The following KCNAB1 variants were observed in gnomAD, a reference collection of about 807,000 sequenced individuals.
The protein encoded by KCNAB1 is voltage-gated potassium channel subunit beta-1.
KCNAB1 carries 35 observed loss-of-function variants against 64.6 expected under a neutral mutation model. That is an observed-to-expected ratio of 0.54 (90% CI 0.41 to 0.72). KCNAB1 has a LOEUF of 0.72. Ranked by LOEUF, KCNAB1 falls within the 30% of genes least tolerant of loss-of-function variation. KCNAB1 has a pLI of 0.00. For missense variants in KCNAB1, 401 were observed against 512.9 expected (o/e 0.78, Z 2.11); for synonymous variants, 177 against 183.8 (o/e 0.96, Z 0.30).
intron 1 of KCNAB1, among the ~76,000 whole-genome samples, chr3:156,163,318 GT>G (rs1031661235): frequency 1.4e-4 from 22 of 152,090 alleles, no homozygotes; most frequent in Non-Finnish European, 2.9e-4. Flanking sequence ...CATCCTTAAG[GT>G]TGTCTTTGTT....
chr3:156,454,280 G>A (rs1712223781), intron 3 of KCNAB1, among the ~76,000 whole-genome samples: 1 of 152,220 alleles, frequency 6.6e-6, no homozygotes, highest in African/African-American at 2.4e-5. Context: ...GGGTCATGAT[G>A]CAGCCTCAAC....
chr3:156,386,400 T>C (rs1436215540), intron 1 of KCNAB1, among the ~76,000 whole-genome samples: 1 of 152,176 alleles, frequency 6.6e-6, no homozygotes, highest in African/African-American at 2.4e-5. Context: ...CCTTTTCCAG[T>C]GGTGTGCCCT....
intron 1 of KCNAB1, among the ~76,000 whole-genome samples, chr3:156,251,190 A>T (rs965998484): frequency 6.6e-6 from 1 of 152,260 alleles, no homozygotes; most frequent in Non-Finnish European, 1.5e-5. Flanking sequence ...CAAATATACA[A>T]TTAAGTAGGC....
intron 1 of KCNAB1, among the ~76,000 whole-genome samples, chr3:156,327,582 A>G (rs1176904691): frequency 6.6e-6 from 1 of 152,126 alleles, no homozygotes; most frequent in Admixed American, 6.6e-5. Flanking sequence ...GGGCTTACAT[A>G]AGTAAGTAAC....
intron 1 of KCNAB1, among the ~76,000 whole-genome samples, chr3:156,184,149 A>G (rs1285461683): frequency 2.0e-5 from 3 of 152,216 alleles, no homozygotes; most frequent in Non-Finnish European, 4.4e-5. Flanking sequence ...TTTGTCCCTC[A>G]TAGGATCCAA....
intron 11 of KCNAB1, among the ~76,000 whole-genome samples, chr3:156,517,271 G>A (rs1037829159): frequency 6.6e-6 from 1 of 152,204 alleles, no homozygotes; most frequent in African/African-American, 2.4e-5. Flanking sequence ...TGGCCACTGT[G>A]AGCTTCCCTA....
chr3:156,242,101 G>A (rs887505789), intron 1 of KCNAB1, among the ~76,000 whole-genome samples: 7 of 152,092 alleles, frequency 4.6e-5, no homozygotes, highest in African/African-American at 1.2e-4. Flanking sequence ...AAACGTTATC[G>A]TGAAATCACT....
chr3:156,382,255 G>C (rs141757474), intron 1 of KCNAB1: 3 of 152,030 alleles, frequency 2.0e-5, no homozygotes, highest in Non-Finnish European at 2.9e-5. Flanking sequence ...AGGCTGAGGC[G>C]GGTGTATCAC....
chr3:156,295,872 C>T (rs1294532794), intron 1 of KCNAB1, among the ~76,000 whole-genome samples: 1 of 152,116 alleles, frequency 6.6e-6, no homozygotes. Flanking sequence ...TATTTCAAGT[C>T]CTCTCTTCTA....
chr3:156,249,026 G>GT (rs1448211841), intron 1 of KCNAB1, among the ~76,000 whole-genome samples: 23 of 90,674 alleles, frequency 2.5e-4, no homozygotes, highest in South Asian at 6.6e-4. Context: ...AAATCTGGTT[G>GT]TGTTTTTTTT....
At chr3:156,510,299 A>G (rs963555860) in intron 8 of KCNAB1, among the ~76,000 whole-genome samples, 11 of 152,228 alleles carry the variant, frequency 7.2e-5, no homozygotes, top group Admixed American at 1.3e-4. Flanking sequence ...TATTGAGACT[A>G]GAATTCATCA....
At chr3:156,434,767 A>T (rs774159002) in intron 2 of KCNAB1, among the ~76,000 whole-genome samples, 1 of 152,214 alleles carries the variant, frequency 6.6e-6, no homozygotes, top group Non-Finnish European at 1.5e-5. Flanking sequence ...CAGTAATGAG[A>T]GGTGATAACT....
intron 1 of KCNAB1, among the ~76,000 whole-genome samples, chr3:156,283,302 C>A (rs1308791065): frequency 6.6e-6 from 1 of 151,460 alleles, no homozygotes; most frequent in Admixed American, 6.6e-5. Context: ...CCCCCACTCT[C>A]TTCTGGCTTG....
chr3:156,238,205 G>A (rs1392899029), intron 1 of KCNAB1, among the ~76,000 whole-genome samples: 1 of 152,060 alleles, frequency 6.6e-6, no homozygotes, highest in Non-Finnish European at 1.5e-5. Flanking sequence ...GGCGGATCAC[G>A]AGGTCAGGAG....
chr3:156,228,249 G>A (rs1287553921), intron 1 of KCNAB1, among the ~76,000 whole-genome samples: 2 of 152,234 alleles, frequency 1.3e-5, no homozygotes, highest in Middle Eastern at 3.4e-3. Flanking sequence ...ATGAAGGGGA[G>A]AGGAGAAAAG....
chr3:156,205,304 C>T (rs554240357), intron 1 of KCNAB1, among the ~76,000 whole-genome samples: 13 of 151,804 alleles, frequency 8.6e-5, no homozygotes, highest in African/African-American at 1.9e-4. Flanking sequence ...TTTTGGTTTC[C>T]GTGTTTTAAT....
chr3:156,498,884 G>A (rs1716190295), intron 8 of KCNAB1, among the ~76,000 whole-genome samples: 1 of 152,174 alleles, frequency 6.6e-6, no homozygotes, highest in African/African-American at 2.4e-5. Flanking sequence ...ATTGTAACAG[G>A]GGATAAGCAT....
chr3:156,515,422 T>G (rs1717491045), intron 10 of KCNAB1, among the ~76,000 whole-genome samples: 2 of 152,038 alleles, frequency 1.3e-5, no homozygotes, highest in South Asian at 2.1e-4. Context: ...GTATCACTGA[T>G]GAAAGCCAAG....
intron 8 of KCNAB1, among the ~76,000 whole-genome samples, chr3:156,488,615 G>A (rs967415205): frequency 6.6e-6 from 1 of 152,136 alleles, no homozygotes; most frequent in South Asian, 2.1e-4. Context: ...TGACAAAAAA[G>A]TGACGTGACT....
Sources: allele counts gnomAD v4.1 joint callset (sites outside exome capture counted in the v4.1 genomes callset), GRCh38; gene constraint gnomAD v4.1.1; transcripts MANE v1.5; gene names NCBI Gene and HGNC (gene_info 2026-07-23, HGNC 2026-07-21).